EPHA6: variants seen among roughly 807,000 people sequenced by gnomAD.
EPHA6 encodes the protein ephrin type-A receptor 6.
In EPHA6, 50 loss-of-function variants were observed where a neutral mutation model predicts 112.0. That is an observed-to-expected ratio of 0.45 (90% CI 0.36 to 0.56). The LOEUF (loss-of-function observed/expected upper bound fraction) is 0.56. Ranked by LOEUF, EPHA6 falls within the 20% of genes least tolerant of loss-of-function variation. The pLI is 0.00. For synonymous variants in EPHA6, 529 were observed against 490.7 expected, an observed-to-expected ratio of 1.08 and a Z score of -1.03; for missense variants, 1,280 against 1,417.4, an observed-to-expected ratio of 0.90 and a Z score of 1.56.
chr3:97,321,616 A>C (rs2082124012), intron 5 of EPHA6, among the ~76,000 whole-genome samples: 1 of 151,994 alleles, frequency 6.6e-6, no homozygotes, highest in South Asian at 2.1e-4. Flanking sequence ...TGTGACCCAA[A>C]TATCATCTGA....
intron 3 of EPHA6, among the ~76,000 whole-genome samples, chr3:97,163,895 A>T (rs1157261464): frequency 6.6e-6 from 1 of 152,184 alleles, no homozygotes; most frequent in African/African-American, 2.4e-5. Flanking sequence ...CTGGGAGTAT[A>T]CTTGTATTAT....
rs769705035 is a variant in EPHA6 at position 97,637,908 on chromosome 3, C to T, written c.2610C>T (p.Val870=). 5 of 1,613,724 alleles carry T rather than the reference C, an allele frequency of 3.1e-6. No homozygotes were observed. The South Asian group carries it at 3.3e-5, about 11-fold the overall frequency. The change falls in exon 14 of 18, where the codon GTC becomes GTT. Residue 870 remains valine (V), a synonymous_variant. Coordinates refer to ENST00000389672, the MANE Select transcript of EPHA6 (RefSeq NM_001080448.3). ...GCCACTTCACAGTCATCCAGTTGGT[C>T]GGAATGCTCCGAGGCATTGCATCAG... ...HDGHFTVIQL[V]GMLRGIASGM...
chr3:97,561,782 G>C (rs191722515), intron 11 of EPHA6, among the ~76,000 whole-genome samples: 1 of 152,124 alleles, frequency 6.6e-6, no homozygotes. Context: ...AGAGAAGTTA[G>C]TGTCTGGCTT....
chr3:97,525,229 T>C (rs1309385756), intron 10 of EPHA6, among the ~76,000 whole-genome samples: 1 of 152,150 alleles, frequency 6.6e-6, no homozygotes, highest in African/African-American at 2.4e-5. Context: ...AAATAATCTT[T>C]CTTCAAATTC....
intron 2 of EPHA6, among the ~76,000 whole-genome samples, chr3:96,984,757 C>T (rs779400918): frequency 9.9e-5 from 15 of 152,208 alleles, no homozygotes; most frequent in Non-Finnish European, 1.5e-4. Flanking sequence ...CAATGGTGGG[C>T]GTCCCTCCCC....
chr3:96,868,487 A>G (rs1175477513), intron 2 of EPHA6, among the ~76,000 whole-genome samples: 1 of 151,912 alleles, frequency 6.6e-6, no homozygotes, highest in Non-Finnish European at 1.5e-5. Context: ...TCAGTTTATA[A>G]CATGTAAACC....
chr3:97,077,540 G>A (rs374706870), intron 3 of EPHA6, among the ~76,000 whole-genome samples: 4 of 101,412 alleles, frequency 3.9e-5, no homozygotes, highest in African/African-American at 1.1e-4. Flanking sequence ...CCCTGCCCCC[G>A]CCCCATCCCC....
chr3:97,000,494 G>T (rs543551606), intron 3 of EPHA6, among the ~76,000 whole-genome samples: 2 of 151,794 alleles, frequency 1.3e-5, no homozygotes, highest in East Asian at 3.9e-4. Flanking sequence ...ACAGTCTAAG[G>T]TTTGCTTGTT....
intron 6 of EPHA6, among the ~76,000 whole-genome samples, chr3:97,436,107 A>G (rs898495156): frequency 6.6e-6 from 1 of 152,142 alleles, no homozygotes; most frequent in African/African-American, 2.4e-5. Flanking sequence ...TTATTTTATT[A>G]TAAATCTTGA....
chr3:97,084,200 T>C (rs895070739), intron 3 of EPHA6, among the ~76,000 whole-genome samples: 5 of 148,686 alleles, frequency 3.4e-5, no homozygotes, highest in Admixed American at 6.7e-5. Flanking sequence ...TTTTCATCCA[T>C]TGCAAAATTT....
intron 3 of EPHA6, 131 bp from the exon 4 acceptor site, chr3:97,226,133 G>A (rs985125996): frequency 6.6e-6 from 4 of 606,604 alleles, no homozygotes; most frequent in Middle Eastern, 4.7e-4. Context: ...TAATATAGAT[G>A]TCTTCTCTAT....
chr3:97,457,565 AC>A (rs1436378823), intron 7 of EPHA6, among the ~76,000 whole-genome samples: 2 of 152,172 alleles, frequency 1.3e-5, no homozygotes, highest in Non-Finnish European at 2.9e-5. Flanking sequence ...AAATATAAAA[AC>A]ATCGTTTGAA....
At chr3:97,599,764 C>T (rs1441567929) in intron 12 of EPHA6, among the ~76,000 whole-genome samples, 1 of 152,052 alleles carries the variant, frequency 6.6e-6, no homozygotes, top group Non-Finnish European at 1.5e-5. Context: ...CTTTTTGGTT[C>T]CATATGAACT....
chr3:97,372,927 T>G (rs2085143054), intron 5 of EPHA6, among the ~76,000 whole-genome samples: 1 of 152,110 alleles, frequency 6.6e-6, no homozygotes, highest in Admixed American at 6.6e-5. Flanking sequence ...AAAGTTTGTG[T>G]TTTAATTACA....
intron 2 of EPHA6, among the ~76,000 whole-genome samples, chr3:96,877,975 T>A (rs1476011848): frequency 6.6e-6 from 1 of 150,992 alleles, no homozygotes; most frequent in Non-Finnish European, 1.5e-5. Flanking sequence ...AAGGCCATGT[T>A]TGGGAGGATA....
chr3:96,987,453 C>T lies in EPHA6; in HGVS notation c.574C>T (p.Gln192Ter), dbSNP rs1182855567. 1 of 1,613,776 alleles carries T rather than the reference C, an allele frequency of 6.2e-7. No individual in the cohort carries two copies. The highest frequency in any genetic ancestry group is 8.5e-7 in the Non-Finnish European group (1 of 1,179,884). The change falls in exon 3 of 18, where the codon CAG becomes TAG. Residue 192 changes from glutamine (Q) to a stop codon, truncating the protein, a stop_gained. Transcript: ENST00000389672. LOFTEE classifies it high-confidence loss of function. The part of the protein sequence containing the change: ...RTNWISRDAA[Q>*]KIYVEMKFTL... ...AAACTGGATCTCCCGTGATGCAGCT[C>T]AGAAAATTTATGTGGAAATGAAATT...
chr3:97,426,516 T>A (rs1056332063), intron 6 of EPHA6, among the ~76,000 whole-genome samples: 1 of 152,126 alleles, frequency 6.6e-6, no homozygotes, highest in African/African-American at 2.4e-5. Flanking sequence ...CCAAACCATG[T>A]CACCTTCTTT....
intron 5 of EPHA6, among the ~76,000 whole-genome samples, chr3:97,374,598 C>T (rs939370258): frequency 3.9e-5 from 6 of 151,980 alleles, no homozygotes; most frequent in African/African-American, 1.2e-4. Context: ...AGGCAGTCAG[C>T]GTCACCCAGG....
intron 5 of EPHA6, among the ~76,000 whole-genome samples, chr3:97,278,310 G>C (rs1576830223): frequency 6.6e-6 from 1 of 152,254 alleles, no homozygotes; most frequent in East Asian, 1.9e-4. Flanking sequence ...GTTAGGACTG[G>C]TCGTGTTATG....
Sources: allele counts gnomAD v4.1 joint callset (sites outside exome capture counted in the v4.1 genomes callset), GRCh38; gene constraint gnomAD v4.1.1; transcripts MANE v1.5; gene names NCBI Gene and HGNC (gene_info 2026-07-23, HGNC 2026-07-21).